The following FAM161A variants were observed in gnomAD, a reference collection of about 807,000 sequenced individuals.
The protein encoded by FAM161A is FAM161 centrosomal protein A.
Under a neutral mutation model 70.9 loss-of-function variants are expected in FAM161A, and 57 were observed. That is an observed-to-expected ratio of 0.80 (90% confidence interval 0.65 to 1.00). The LOEUF is 1.00. FAM161A is among the 50% of genes least tolerant of loss of function. The pLI, the probability that FAM161A is intolerant of heterozygous loss-of-function variation, is 0.00. For synonymous variants in FAM161A, 299 were observed against 295.7 expected (o/e 1.01, Z -0.12); for missense variants, 880 against 836.0 (o/e 1.05, Z -0.65).
At chr2:61,804,016 A>G in the FAM161A span, among the ~76,000 whole-genome samples, 9 of 152,344 alleles carry the variant, frequency 5.9e-5, no homozygotes, top group Middle Eastern at 3.4e-3. Flanking sequence ...GCTACTCCAT[A>G]GACAGAGGAG....
At chr2:61,841,331 G>C (rs1673013207) in intron 2 of FAM161A, among the ~76,000 whole-genome samples, 1 of 152,126 alleles carries the variant, frequency 6.6e-6, no homozygotes, top group Non-Finnish European at 1.5e-5. Context: ...TTCATATCCA[G>C]TCCTGTGAAG....
At chr2:61,810,671 G>A in the FAM161A span, among the ~76,000 whole-genome samples, 11 of 151,644 alleles carry the variant, frequency 7.3e-5, no homozygotes, top group Non-Finnish European at 2.9e-5. Flanking sequence ...TGTTGGTCAG[G>A]CTTGTCTCGA....
intron 3 of FAM161A, among the ~76,000 whole-genome samples, chr2:61,839,072 T>TG (rs923417043): frequency 6.6e-6 from 1 of 151,514 alleles, no homozygotes. Flanking sequence ...TTAGTAGAGA[T>TG]GGGGGTTTCA....
At chr2:61,817,332 A>G in the FAM161A span, among the ~76,000 whole-genome samples, 1 of 152,236 alleles carries the variant, frequency 6.6e-6, no homozygotes, top group African/African-American at 2.4e-5. Context: ...CTATTAACAC[A>G]GCACAAGGAA....
At position 61,839,841 on chromosome 2, in the gene FAM161A, G is replaced by A. The variant is rs770458532; in HGVS notation, c.1163C>T (p.Ala388Val). Reference protein sequence around the residue: ...LYRNLRTQLRAQEHLQNSSPL... With the variant: ...LYRNLRTQLRVQEHLQNSSPL... Reference sequence around the variant, plus strand: ...AGATGAGTTCTGTAAATGCTCCTGGGCTCTCAGCTGTGTCCTAAGGTTTCG... The same window carrying A: ...AGATGAGTTCTGTAAATGCTCCTGGACTCTCAGCTGTGTCCTAAGGTTTCG... Residue 388 changes from alanine (A) to valine (V), a missense_variant, in exon 3 of 7, where the codon GCC becomes GTC. Coordinates refer to ENST00000404929, the MANE Select transcript of FAM161A (RefSeq NM_001201543.2). 14 of 1,614,160 alleles carry A rather than the reference G, an allele frequency of 8.7e-6. No homozygotes were observed. The highest frequency in any genetic ancestry group is 1.1e-5 in the South Asian group (1 of 91,084).
intron 4 of FAM161A, 107 bp downstream of exon 4, chr2:61,838,431 A>T: frequency 1.0e-6 from 1 of 958,988 alleles, no homozygotes; most frequent in Non-Finnish European, 1.6e-6. Flanking sequence ...TCCATAAGCT[A>T]AAACACTAAT....
chr2:61,852,603 T>A (rs1673534820), intron 1 of FAM161A, among the ~76,000 whole-genome samples: 1 of 152,224 alleles, frequency 6.6e-6, no homozygotes, highest in Non-Finnish European at 1.5e-5. Flanking sequence ...TCACGTTGCC[T>A]TGTTGCCTAC....
the FAM161A span, among the ~76,000 whole-genome samples, chr2:61,804,812 AAGAAAG>A: frequency 7.3e-5 from 11 of 149,682 alleles, no homozygotes; most frequent in African/African-American, 2.0e-4. Context: ...GAAAGAAAGA[AAGAAAG>A]AGAAAGAGAA....
downstream of FAM161A, among the ~76,000 whole-genome samples, chr2:61,823,215 C>T (rs1672243055): frequency 2.0e-5 from 3 of 151,018 alleles, no homozygotes; most frequent in Admixed American, 2.0e-4. Context: ...CACCTGTAAT[C>T]CCAGCTACTC....
chr2:61,823,759 C>A (rs191128715), downstream of FAM161A, among the ~76,000 whole-genome samples: 3 of 151,716 alleles, frequency 2.0e-5, no homozygotes, highest in East Asian at 1.9e-4. Context: ...ATTTTCTCTG[C>A]GGAAATAAGT....
intron 1 of FAM161A, chr2:61,847,130 C>CTA: frequency 3.5e-6 from 1 of 282,104 alleles, no homozygotes; most frequent in South Asian, 2.9e-5. Flanking sequence ...CCACTGCACT[C>CTA]TAGCCTGGGT....
Position 61,839,553 on chromosome 2 carries a change from T to G in FAM161A, c.1451A>C (p.Lys484Thr). ...ADIEADEENL[K>T]ETRWPYLSPR... Reference sequence around the variant, plus strand: ...AGACAAATAAGGCCAACGTGTTTCTTTTAAATTTTCTTCATCTGCTTCGAT... The same window carrying G: ...AGACAAATAAGGCCAACGTGTTTCTGTTAAATTTTCTTCATCTGCTTCGAT... Residue 484 changes from lysine (K) to threonine (T), a missense_variant, in exon 3 of 7, where the codon AAA becomes ACA. Lys to Thr is a moderately conservative substitution (Grantham distance 78). Transcript: ENST00000404929. 6.2e-7 allele frequency: 1 copy of G among 1,614,238 alleles called. No homozygotes were observed. Among genetic ancestry groups the G allele is most frequent in the Non-Finnish European group, 8.5e-7 (1 of 1,180,042 alleles).
chr2:61,833,114 G>C (rs1672643445), intron 5 of FAM161A, among the ~76,000 whole-genome samples: 2 of 152,080 alleles, frequency 1.3e-5, no homozygotes, highest in African/African-American at 2.4e-5. Flanking sequence ...ATTAACACAA[G>C]AAAAAATTTT....
At chr2:61,840,720 G>A (rs1020932099) in intron 2 of FAM161A, 139 bp from the exon 3 acceptor site, 22 of 664,300 alleles carry the variant, frequency 3.3e-5, no homozygotes, top group South Asian at 1.1e-4. Context: ...GTGTGATATC[G>A]GCTCACTGCA....
intron 3 of FAM161A, among the ~76,000 whole-genome samples, 178 bp from the exon 4 acceptor site, chr2:61,838,883 TA>T (rs1390575907): frequency 0.038 from 5,500 of 144,822 alleles, 444 homozygotes; most frequent in East Asian, 0.3. Context: ...TTTATTTATT[TA>T]TTTATTTATT....
chr2:61,807,877 A>G, the FAM161A span, among the ~76,000 whole-genome samples: 47 of 152,088 alleles, frequency 3.1e-4, no homozygotes, highest in Non-Finnish European at 5.6e-4. Flanking sequence ...CAGGCCTCAA[A>G]TAAACCTCCT....
chr2:61,818,801 G>T, the FAM161A span, among the ~76,000 whole-genome samples: 2 of 152,134 alleles, frequency 1.3e-5, no homozygotes, highest in Non-Finnish European at 2.9e-5. Flanking sequence ...AAAACTGTTA[G>T]GTAAAATGTG....
chr2:61,814,612 G>A, the FAM161A span, among the ~76,000 whole-genome samples: 1 of 152,156 alleles, frequency 6.6e-6, no homozygotes, highest in South Asian at 2.1e-4. Flanking sequence ...CTACTTGGGA[G>A]GTTGAGGTGA....
Position 61,834,439 on chromosome 2 carries a change from C to G in FAM161A, c.1851+1571G>C, listed in dbSNP as rs575766662. Among the ~76,000 whole-genome samples the G allele has an allele frequency of 7.2e-4, 109 of 151,682 alleles. 3 individuals are homozygous for G. The highest frequency in any genetic ancestry group is 2.4e-3 in the Admixed American group (36 of 15,234). ...CCTGGGTGATGAGTTCAATCATACC[C>G]CAAACCCCAGCTCACACAATATACC... is the stretch of plus-strand genomic sequence containing the variant. On this transcript the variant is annotated intron_variant, in intron 5 of 6. Transcript: ENST00000404929.
Sources: gnomAD v4.1 joint callset for allele counts (sites outside exome capture counted in the v4.1 genomes callset) on GRCh38, gnomAD v4.1.1 for gene constraint, MANE v1.5 for transcripts, NCBI Gene and HGNC (gene_info 2026-07-23, HGNC 2026-07-21) for gene names.